The following SNRPN variants were observed in gnomAD, a reference collection of about 807,000 sequenced individuals.
SNRPN encodes the protein small nuclear ribonucleoprotein polypeptide N.
A neutral mutation model predicts 25.2 loss-of-function variants in SNRPN; 7 were observed. The ratio of observed to expected loss-of-function variants is 0.28; its 90% CI spans 0.16 to 0.52. SNRPN has a LOEUF of 0.52. SNRPN is among the 20% of genes least tolerant of loss of function. The probability of loss-of-function intolerance (pLI) is 0.96; values close to 1 mark genes in which losing one functional copy is unlikely to be tolerated. For synonymous variants in SNRPN, 124 were observed against 110.6 expected (o/e 1.12, Z -0.76); for missense variants, 196 against 322.5 (o/e 0.61, Z 3.00).
intron 2 of SNRPN, among the ~76,000 whole-genome samples, chr15:24,892,802 A>G (rs971811863): frequency 2.6e-5 from 4 of 152,148 alleles, no homozygotes; most frequent in African/African-American, 7.2e-5. Flanking sequence ...GGAGGTAGGC[A>G]GAATTGTGAA....
chr15:24,888,976 G>A (rs1247138385), intron 2 of SNRPN, among the ~76,000 whole-genome samples: 1 of 151,890 alleles, frequency 6.6e-6, no homozygotes, highest in Non-Finnish European at 1.5e-5. Context: ...GGAGTGCTGT[G>A]GCACAATCTT....
At chr15:24,960,273 T>C (rs1253341112) in intron 1 of SNRPN, among the ~76,000 whole-genome samples, 1 of 152,204 alleles carries the variant, frequency 6.6e-6, no homozygotes, top group Admixed American at 6.5e-5. Flanking sequence ...TATAACACTT[T>C]ATGTTTCCAC....
At chr15:24,902,560 G>A (rs1415303541) in intron 2 of SNRPN, among the ~76,000 whole-genome samples, 1 of 152,162 alleles carries the variant, frequency 6.6e-6, no homozygotes, top group Non-Finnish European at 1.5e-5. Flanking sequence ...CCCTGGCAGT[G>A]AGTGTTACAG....
At chr15:24,914,190 C>G (rs1052940699) in intron 2 of SNRPN, among the ~76,000 whole-genome samples, 8 of 152,154 alleles carry the variant, frequency 5.3e-5, no homozygotes, top group Admixed American at 2.0e-4. Context: ...GCATCTGCTT[C>G]TTCTTAATTG....
At chr15:24,862,123 A>G (rs2054036766) in intron 1 of SNRPN, among the ~76,000 whole-genome samples, 1 of 86,080 alleles carries the variant, frequency 1.2e-5, no homozygotes, top group South Asian at 6.2e-4. Flanking sequence ...TGTCATGGCT[A>G]CCACTAGGCT....
chr15:24,851,275 A>G (rs1946117538), intron 2 of SNRPN: 1 of 152,214 alleles, frequency 6.6e-6, no homozygotes, highest in African/African-American at 2.4e-5. Context: ...ATTTCAGTCC[A>G]GTAGTGATTC....
chr15:24,843,778 C>T (rs2051913729), intron 2 of SNRPN, among the ~76,000 whole-genome samples: 1 of 131,134 alleles, frequency 7.6e-6, no homozygotes, highest in South Asian at 2.7e-4. Context: ...CAGAGTGAGA[C>T]TCCATCACAA....
At chr15:24,844,524 T>C (rs2052016730) in intron 2 of SNRPN, among the ~76,000 whole-genome samples, 1 of 147,624 alleles carries the variant, frequency 6.8e-6, no homozygotes, top group Non-Finnish European at 1.5e-5. Context: ...TAATTTGTCC[T>C]TTTTTGTTGT....
At chr15:24,920,224 T>C (rs372186558) in intron 3 of SNRPN, 3 of 152,294 alleles carry the variant, frequency 2.0e-5, no homozygotes, top group East Asian at 1.9e-4. Flanking sequence ...TAAATGCTTG[T>C]AAACCTTTTT....
upstream of SNRPN, among the ~76,000 whole-genome samples, chr15:24,953,854 C>A (rs146707181): frequency 2.2e-3 from 336 of 152,248 alleles, 1 homozygote; most frequent in African/African-American, 7.5e-3. Flanking sequence ...CTGTGAGGAA[C>A]ATTACACAGT....
chr15:24,881,583 G>T (rs1566864338), intron 1 of SNRPN, among the ~76,000 whole-genome samples: 7,448 of 58,998 alleles, frequency 0.13, 384 homozygotes, highest in African/African-American at 0.15. Context: ...GAGGGAGGGA[G>T]GGAGAGAGAG....
intron 2 of SNRPN, among the ~76,000 whole-genome samples, chr15:24,836,228 C>T (rs1280220423): frequency 6.6e-6 from 1 of 151,964 alleles, no homozygotes; most frequent in South Asian, 2.1e-4. Flanking sequence ...AGGATTTGGC[C>T]CACCTTAATG....
intron 2 of SNRPN, among the ~76,000 whole-genome samples, chr15:24,847,775 T>A (rs2052337055): frequency 1.3e-5 from 2 of 152,194 alleles, no homozygotes; most frequent in Non-Finnish European, 2.9e-5. Flanking sequence ...TCAAAGTGAA[T>A]CCCATTATGC....
intron 2 of SNRPN, among the ~76,000 whole-genome samples, chr15:24,838,330 C>T (rs544101412): frequency 1.1e-4 from 16 of 152,310 alleles, no homozygotes; most frequent in East Asian, 3.9e-4. Context: ...CCACCATGCC[C>T]GGCGCCAACT....
At chr15:24,893,078 G>A (rs1195987327) in intron 2 of SNRPN, among the ~76,000 whole-genome samples, 1 of 151,964 alleles carries the variant, frequency 6.6e-6, no homozygotes, top group Admixed American at 6.6e-5. Flanking sequence ...GCATGGAGGT[G>A]CACGTCTGTA....
intron 2 of SNRPN, among the ~76,000 whole-genome samples, chr15:24,962,870 G>C (rs2075047191): frequency 6.6e-6 from 1 of 151,958 alleles, no homozygotes; most frequent in Non-Finnish European, 1.5e-5. Flanking sequence ...TTAAAATTTT[G>C]ATCAGTAGGT....
intron 2 of SNRPN, among the ~76,000 whole-genome samples, chr15:24,916,744 C>A (rs56153033): frequency 6.6e-6 from 1 of 152,094 alleles, no homozygotes; most frequent in Non-Finnish European, 1.5e-5. Context: ...GAATTGTGTA[C>A]GGAGTTGGTT....
intron 3 of SNRPN, among the ~76,000 whole-genome samples, chr15:24,925,663 A>G (rs1248971048): frequency 6.6e-6 from 1 of 152,016 alleles, no homozygotes; most frequent in Non-Finnish European, 1.5e-5. Context: ...TGCGATCACT[A>G]CAGCCTCAAT....
chr15:24,887,363 C>T (rs368518198), intron 2 of SNRPN, among the ~76,000 whole-genome samples: 2 of 151,952 alleles, frequency 1.3e-5, no homozygotes, highest in East Asian at 3.9e-4. Context: ...GGCCAGGCTG[C>T]TCTCAAACTC....
Sources: gnomAD v4.1 joint callset for allele counts (sites outside exome capture counted in the v4.1 genomes callset) on GRCh38, gnomAD v4.1.1 for gene constraint, MANE v1.5 for transcripts, NCBI Gene and HGNC (gene_info 2026-07-23, HGNC 2026-07-21) for gene names.